Variants in MYRIP observed in about 807,000 individuals in gnomAD.
MYRIP encodes the protein myosin VIIA and Rab interacting protein.
Under a neutral mutation model 98.0 loss-of-function variants are expected in MYRIP, and 49 were observed. The ratio of observed to expected loss-of-function variants is 0.50; its 90% CI spans 0.40 to 0.63. MYRIP has a LOEUF of 0.63. Ranked by LOEUF, MYRIP falls within the 30% of genes least tolerant of loss-of-function variation. The pLI, the probability that MYRIP is intolerant of heterozygous loss-of-function variation, is 0.00. For synonymous variants in MYRIP, 404 were observed against 409.5 expected (o/e 0.99, Z 0.16); for missense variants, 1,004 against 1,058.2 (o/e 0.95, Z 0.71).
chr3:39,964,254 C>T (rs1319036294), intron 2 of MYRIP, among the ~76,000 whole-genome samples: 1 of 152,026 alleles, frequency 6.6e-6, no homozygotes, highest in Non-Finnish European at 1.5e-5. Flanking sequence ...CTTTCTACTA[C>T]TTCCAAAGTA....
intron 2 of MYRIP, among the ~76,000 whole-genome samples, chr3:39,972,140 A>G (rs1162644904): frequency 6.6e-6 from 1 of 152,096 alleles, no homozygotes; most frequent in Non-Finnish European, 1.5e-5. Context: ...TTTTTATAAT[A>G]TCTTATATTC....
chr3:39,902,465 T>A (rs1049730441), intron 2 of MYRIP, among the ~76,000 whole-genome samples: 1 of 152,210 alleles, frequency 6.6e-6, no homozygotes, highest in Non-Finnish European at 1.5e-5. Context: ...TTTCCTCTAC[T>A]GAACCATTGG....
At chr3:40,074,559 C>G (rs1170091687) in intron 3 of MYRIP, among the ~76,000 whole-genome samples, 1 of 151,998 alleles carries the variant, frequency 6.6e-6, no homozygotes, top group East Asian at 1.9e-4. Context: ...AACTAAGCCT[C>G]TAACTTAGTA....
intron 1 of MYRIP, among the ~76,000 whole-genome samples, chr3:39,888,376 A>G (rs919619691): frequency 6.6e-6 from 1 of 151,824 alleles, no homozygotes; most frequent in East Asian, 1.9e-4. Flanking sequence ...ATAACGCCAC[A>G]TATCTACAAC....
At position 40,242,937 on chromosome 3, in the gene MYRIP, T is replaced by C. The variant is rs776123873; in HGVS notation, c.2101-1509T>C. On this transcript the variant is annotated intron_variant, in intron 12 of 16. Transcript: ENST00000302541. ...GAATAATTTCTTCACTCAAATACCT[T>C]TGAAATACTTATCATTTCTTTCATT... Among the ~76,000 whole-genome samples the C allele has an allele frequency of 1.2e-3, 182 of 152,186 alleles. 2 individuals carry two copies. The highest frequency in any genetic ancestry group is 3.3e-3 in the Admixed American group (51 of 15,268).
At chr3:40,135,129 CTT>C (rs1230913286) in intron 3 of MYRIP, among the ~76,000 whole-genome samples, 1 of 152,020 alleles carries the variant, frequency 6.6e-6, no homozygotes, top group African/African-American at 2.4e-5. Flanking sequence ...AAGTTAAAAA[CTT>C]TGAAAAAAAA....
intron 3 of MYRIP, among the ~76,000 whole-genome samples, chr3:40,046,376 C>G (rs376630356): frequency 6.6e-6 from 1 of 152,022 alleles, no homozygotes; most frequent in African/African-American, 2.4e-5. Context: ...GACAGGGACA[C>G]TGTCTTCTTC....
chr3:39,883,638 TTGAAA>T (rs1421018368), intron 1 of MYRIP, among the ~76,000 whole-genome samples: 12 of 151,790 alleles, frequency 7.9e-5, no homozygotes, highest in Non-Finnish European at 1.6e-4. Flanking sequence ...AATCTAAAAG[TTGAAA>T]TTATATAAAA....
intron 1 of MYRIP, among the ~76,000 whole-genome samples, chr3:39,868,280 AT>A (rs1942682189): frequency 1.3e-5 from 2 of 152,162 alleles, no homozygotes; most frequent in African/African-American, 4.8e-5. Context: ...CTTCTTGGAT[AT>A]TGTATGTTCT....
At chr3:40,100,988 GA>G (rs1207357199) in intron 3 of MYRIP, among the ~76,000 whole-genome samples, 2 of 151,754 alleles carry the variant, frequency 1.3e-5, no homozygotes, top group South Asian at 2.1e-4. Context: ...TTATTGAAAA[GA>G]AAAAAAAGCC....
intron 2 of MYRIP, among the ~76,000 whole-genome samples, chr3:39,908,766 CTTAAA>C (rs1943943625): frequency 6.6e-6 from 1 of 152,208 alleles, no homozygotes; most frequent in South Asian, 2.1e-4. Flanking sequence ...GTTCTGAACA[CTTAAA>C]TTAAGCTAAT....
intron 10 of MYRIP, among the ~76,000 whole-genome samples, chr3:40,196,646 T>C (rs11928243): frequency 6.6e-6 from 1 of 152,248 alleles, no homozygotes. Flanking sequence ...GTGAATGTTT[T>C]ATGTGTGTTT....
At chr3:39,875,394 G>T (rs1465096302) in intron 1 of MYRIP, among the ~76,000 whole-genome samples, 1 of 151,144 alleles carries the variant, frequency 6.6e-6, no homozygotes, top group Non-Finnish European at 1.5e-5. Flanking sequence ...TTTTGAATGT[G>T]TTTGCTCTTG....
At chr3:40,056,530 T>C (rs1233671261) in intron 3 of MYRIP, among the ~76,000 whole-genome samples, 1 of 152,196 alleles carries the variant, frequency 6.6e-6, no homozygotes, top group Non-Finnish European at 1.5e-5. Flanking sequence ...CCAGCTGCTG[T>C]AGGGGCAAGC....
chr3:40,170,017 A>C lies in MYRIP; in HGVS notation c.797A>C (p.Gln266Pro). Reference sequence around the variant, plus strand: ...GAAGAGCCAGGATGGCCACATCCCCAGAGTTGCAGCACAAAGGTGGCAGAT... The same window carrying C: ...GAAGAGCCAGGATGGCCACATCCCCCGAGTTGCAGCACAAAGGTGGCAGAT... ...VEEEPGWPHP[Q>P]SCSTKVADEG... The change falls in exon 8 of 17, where the codon CAG (glutamine) becomes CCG (proline). Residue 266 changes from glutamine to proline, a missense_variant. This residue lies in a region of MYRIP where 880 missense variants were observed against 907.7 expected (regional missense o/e 0.97). Coordinates refer to ENST00000302541, the MANE Select transcript of MYRIP (RefSeq NM_015460.4). 1 of 1,614,224 alleles carries C rather than the reference A, an allele frequency of 6.2e-7. No individual in the cohort carries two copies. Among genetic ancestry groups the C allele is most frequent in the African/African-American group, 1.3e-5 (1 of 75,058 alleles).
chr3:40,131,272 G>A (rs961877260), intron 3 of MYRIP, among the ~76,000 whole-genome samples: 1 of 152,066 alleles, frequency 6.6e-6, no homozygotes, highest in Admixed American at 6.5e-5. Context: ...TTTACATTCT[G>A]TACCAACTCT....
intron 2 of MYRIP, among the ~76,000 whole-genome samples, chr3:40,035,079 G>A (rs987402365): frequency 1.8e-5 from 2 of 110,440 alleles, no homozygotes; most frequent in Non-Finnish European, 3.6e-5. Flanking sequence ...GTTATGGGGT[G>A]GGGGGAGGGG....
At chr3:40,088,533 G>C (rs918542137) in intron 3 of MYRIP, among the ~76,000 whole-genome samples, 1 of 152,216 alleles carries the variant, frequency 6.6e-6, no homozygotes. Flanking sequence ...TAAAGACACA[G>C]ACCTGAATAG....
rs1279892716 is a variant in MYRIP, at chr3:40,209,928, G to A, written c.1740G>A (p.Glu580=). ...CCCAGACTCTCACAGACACCACAGA[G>A]GAGAAACGGAGAAACAGGCTGTACG... ...RDPQTLTDTT[E]EKRRNRLYEL... Residue 580 remains glutamate (E), a synonymous_variant, in exon 11 of 17, where the codon GAG becomes GAA. Coordinates refer to ENST00000302541, the MANE Select transcript of MYRIP (RefSeq NM_015460.4). 1 of 1,613,864 alleles carries A rather than the reference G, an allele frequency of 6.2e-7. No homozygotes were observed. The highest frequency in any genetic ancestry group is 2.2e-5 in the East Asian group (1 of 44,858).
Sources: gnomAD v4.1 joint callset for allele counts (sites outside exome capture counted in the v4.1 genomes callset) on GRCh38, gnomAD v4.1.1 for gene constraint, gnomAD v4.1.1 regional missense constraint, MANE v1.5 for transcripts, NCBI Gene and HGNC (gene_info 2026-07-23, HGNC 2026-07-21) for gene names.